The following TRIQK variants were observed in gnomAD, a reference collection of about 807,000 sequenced individuals.
The protein encoded by TRIQK is triple QxxK/R motif-containing protein.
A neutral mutation model predicts 10.8 loss-of-function variants in TRIQK; 10 were observed. The ratio of observed to expected loss-of-function variants is 0.92; its 90% CI spans 0.57 to 1.57. The LOEUF (loss-of-function observed/expected upper bound fraction) is 1.57, where lower values mean the gene tolerates loss of function less well. Among genes scored for constraint, TRIQK ranks in the 40% most tolerant of loss-of-function variants. The pLI is 0.00. For missense variants in TRIQK, 107 were observed against 97.7 expected (o/e 1.09, Z -0.40); for synonymous variants, 33 against 33.7 (o/e 0.98, Z 0.07).
intron 1 of TRIQK, among the ~76,000 whole-genome samples, chr8:93,000,465 A>C (rs1295723854): frequency 1.3e-5 from 2 of 152,120 alleles, no homozygotes; most frequent in African/African-American, 4.8e-5. Context: ...AGACTGAATC[A>C]CTATCATGAG....
chr8:92,931,754 T>C (rs1004290120), intron 2 of TRIQK, among the ~76,000 whole-genome samples: 2 of 152,004 alleles, frequency 1.3e-5, no homozygotes, highest in African/African-American at 4.8e-5. Flanking sequence ...AGGGCCCCAT[T>C]CATTACAGCA....
chr8:93,000,351 A>G (rs1297446008), intron 1 of TRIQK, among the ~76,000 whole-genome samples: 2 of 152,202 alleles, frequency 1.3e-5, no homozygotes, highest in Non-Finnish European at 2.9e-5. Context: ...AGGCTTCACA[A>G]TCATGGCAGA....
chr8:92,995,287 A>C (rs532119517), intron 1 of TRIQK, among the ~76,000 whole-genome samples: 139 of 151,970 alleles, frequency 9.1e-4, no homozygotes, highest in African/African-American at 3.1e-3. Flanking sequence ...GTTCAATGCC[A>C]CTCTGATTCT....
At chr8:92,980,004 A>C (rs577237275) in intron 1 of TRIQK, among the ~76,000 whole-genome samples, 57 of 152,196 alleles carry the variant, frequency 3.7e-4, no homozygotes, top group Middle Eastern at 6.9e-3. Flanking sequence ...GAATAGCAAC[A>C]ATAGAGGGTG....
intron 1 of TRIQK, among the ~76,000 whole-genome samples, chr8:93,012,440 C>CAAA (rs1813344406): frequency 6.6e-6 from 1 of 152,018 alleles, no homozygotes; most frequent in African/African-American, 2.4e-5. Flanking sequence ...GTAGATCCAG[C>CAAA]GTTTTCAGAA....
chr8:93,011,207 T>C lies in TRIQK; in HGVS notation c.-181+6402A>G, dbSNP rs201362779. Among the ~76,000 whole-genome samples the C allele has an allele frequency of 3.1e-3, 249 of 79,928 alleles. 1 individual carries two copies. The highest frequency in any genetic ancestry group is 0.011 in the East Asian group (30 of 2,692). 52.4% of individuals were successfully genotyped at this position (79,928 alleles called of 152,430 possible). ...ACACACACACACACACACACACACA[T>C]ATATATATATATATACAGGAGGTAT... On this transcript the variant is annotated intron_variant, in intron 1 of 4. Coordinates refer to the TRIQK transcript ENST00000520686.
intron 3 of TRIQK, among the ~76,000 whole-genome samples, chr8:92,902,402 C>A (rs1001656985): frequency 1.3e-5 from 2 of 152,134 alleles, no homozygotes; most frequent in Non-Finnish European, 2.9e-5. Context: ...ACTGCACTCT[C>A]CCTCATGCAA....
chr8:92,927,151 G>A (rs1810485737), intron 2 of TRIQK, among the ~76,000 whole-genome samples: 1 of 151,970 alleles, frequency 6.6e-6, no homozygotes, highest in Non-Finnish European at 1.5e-5. Flanking sequence ...ATCTATTATA[G>A]CACTGGACTA....
intron 1 of TRIQK, among the ~76,000 whole-genome samples, chr8:92,982,830 T>C (rs931005664): frequency 3.9e-5 from 6 of 151,954 alleles, no homozygotes; most frequent in Admixed American, 3.3e-4. Flanking sequence ...TTCCTCCTCC[T>C]AGGTAAGGGA....
chr8:93,004,929 C>T (rs1327454595), intron 1 of TRIQK, among the ~76,000 whole-genome samples: 2 of 152,216 alleles, frequency 1.3e-5, no homozygotes, highest in African/African-American at 4.8e-5. Flanking sequence ...TGGCCACAAC[C>T]ATTCAACAAG....
At chr8:92,988,203 A>C (rs1484715321) in intron 1 of TRIQK, among the ~76,000 whole-genome samples, 1 of 151,240 alleles carries the variant, frequency 6.6e-6, no homozygotes, top group Non-Finnish European at 1.5e-5. Context: ...TTTTTAGTAG[A>C]GACGTGGTTT....
At chr8:92,952,627 A>T (rs1263075391) in intron 2 of TRIQK, among the ~76,000 whole-genome samples, 2 of 152,072 alleles carry the variant, frequency 1.3e-5, no homozygotes, top group East Asian at 3.8e-4. Context: ...AAAAGGATAA[A>T]TGTCAAAAAA....
chr8:92,953,410 C>A (rs1254857466), intron 2 of TRIQK: 5 of 151,704 alleles, frequency 3.3e-5, no homozygotes, highest in Non-Finnish European at 7.4e-5. Flanking sequence ...ATAAGCAACA[C>A]AAATAAGTGT....
chr8:92,982,142 T>A (rs890782382), intron 1 of TRIQK, among the ~76,000 whole-genome samples: 3 of 151,874 alleles, frequency 2.0e-5, no homozygotes, highest in African/African-American at 2.4e-5. Context: ...CAATAATTAT[T>A]GAAAAAGAAT....
At chr8:93,017,609 C>T (rs1005663759) in exon 1 of TRIQK, 3 of 152,212 alleles carry the variant, frequency 2.0e-5, no homozygotes, top group Non-Finnish European at 2.9e-5. Flanking sequence ...CCAAACTCAC[C>T]AGCAGGATAA....
intron 1 of TRIQK, among the ~76,000 whole-genome samples, chr8:92,994,685 T>C (rs1813134705): frequency 6.6e-6 from 1 of 151,932 alleles, no homozygotes; most frequent in South Asian, 2.1e-4. Flanking sequence ...TTCTTGACAC[T>C]CAATCCAATA....
intron 1 of TRIQK, among the ~76,000 whole-genome samples, chr8:92,985,276 C>T (rs1407159814): frequency 6.6e-6 from 1 of 152,114 alleles, no homozygotes; most frequent in African/African-American, 2.4e-5. Context: ...GCACAAAACA[C>T]AGAGAGAGAA....
At chr8:92,916,259 A>G (rs1454783827) in intron 3 of TRIQK, among the ~76,000 whole-genome samples, 6 of 152,210 alleles carry the variant, frequency 3.9e-5, no homozygotes, top group East Asian at 1.9e-4. Context: ...TGTATCCTTG[A>G]AAAGAAAATC....
chr8:92,999,937 A>G (rs1247432185), intron 1 of TRIQK, among the ~76,000 whole-genome samples: 2 of 152,146 alleles, frequency 1.3e-5, no homozygotes, highest in African/African-American at 2.4e-5. Context: ...TCAGTTGTTA[A>G]AAACTTACTC....
Sources: allele counts gnomAD v4.1 joint callset (sites outside exome capture counted in the v4.1 genomes callset), GRCh38; gene constraint gnomAD v4.1.1; transcripts MANE v1.5; gene names NCBI Gene and HGNC (gene_info 2026-07-23, HGNC 2026-07-21).